Variants in SEMA3C observed in about 807,000 individuals in gnomAD.
The protein encoded by SEMA3C is semaphorin-3C.
SEMA3C carries 47 observed loss-of-function variants against 89.4 expected under a neutral mutation model. The observed-to-expected ratio is 0.53, with a 90% CI of 0.42 to 0.67. SEMA3C has a LOEUF of 0.67. Ranked by LOEUF, SEMA3C falls within the 30% of genes least tolerant of loss-of-function variation. The pLI is 0.00. For synonymous variants in SEMA3C, 310 were observed against 320.2 expected (o/e 0.97, Z 0.34); for missense variants, 839 against 929.1 (o/e 0.90, Z 1.26).
rs777730832 is a variant in SEMA3C at position 80,758,441 on chromosome 7, C to A, written c.1533G>T (p.Leu511=). 5.6e-6 allele frequency: 9 copies of A among 1,613,904 alleles called. No individual in the cohort carries two copies. In the African/African-American group the frequency reaches 9.3e-5, roughly 17 times the overall value. Reference sequence around the variant, plus strand: ...CTGTACCATAGATGTGGCAGCGGTGCAGAGATACCTGGGAAACCCCTTCAT... The same window carrying A: ...CTGTACCATAGATGTGGCAGCGGTGAAGAGATACCTGGGAAACCCCTTCAT... ...SSNEGVSQVS[L]HRCHIYGTAC... Residue 511 remains leucine, a synonymous_variant, in exon 15 of 18, where the codon CTG becomes CTT. Transcript: ENST00000265361.
intron 15 of SEMA3C, among the ~76,000 whole-genome samples, chr7:80,753,702 A>T (rs1288776400): frequency 6.6e-6 from 1 of 152,206 alleles, no homozygotes; most frequent in Non-Finnish European, 1.5e-5. Context: ...TTTCATCCAC[A>T]ACAGTAAATT....
chr7:80,834,978 G>A lies in SEMA3C; in HGVS notation c.104-6233C>T, dbSNP rs573120522. ...TCTGAATATTTCTCATCAGTGGTTG[G>A]CTGAATCCATGGATGTGATACCTAC... On this transcript the variant is annotated intron_variant, in intron 2 of 17. Transcript: ENST00000265361. Among the ~76,000 whole-genome samples, 5 of 151,990 alleles carry A rather than the reference G, an allele frequency of 3.3e-5. No individual in the cohort carries two copies. In the East Asian group the frequency reaches 9.6e-4, roughly 29 times the overall value.
At chr7:80,841,250 T>C (rs551596138) in intron 2 of SEMA3C, among the ~76,000 whole-genome samples, 14 of 152,320 alleles carry the variant, frequency 9.2e-5, no homozygotes, top group African/African-American at 3.1e-4. Context: ...GATTGCTTCA[T>C]GATACAATAT....
At chr7:80,919,377 T>G, upstream of SEMA3C, 17 of 985,322 alleles carry the variant, frequency 1.7e-5, no homozygotes, top group Non-Finnish European at 2.0e-5. Flanking sequence ...ACTTGCTGGG[T>G]GCGCTCCACG....
At chr7:80,793,708 A>T (rs1788996495) in intron 11 of SEMA3C, among the ~76,000 whole-genome samples, 1 of 151,990 alleles carries the variant, frequency 6.6e-6, no homozygotes, top group Admixed American at 6.6e-5. Context: ...AACAAAATTT[A>T]GAGTATTTAG....
chr7:80,834,154 C>T (rs910062616), intron 2 of SEMA3C, among the ~76,000 whole-genome samples: 1 of 151,982 alleles, frequency 6.6e-6, no homozygotes, highest in Non-Finnish European at 1.5e-5. Context: ...CCACAAAGGG[C>T]AGCATAGGTC....
chr7:80,761,692 A>G lies in SEMA3C; in HGVS notation c.1444-35T>C, dbSNP rs1176186795. 9 of 1,185,408 alleles carry G rather than the reference A, an allele frequency of 7.6e-6. No individual in the cohort carries two copies. In the East Asian group the frequency reaches 2.4e-4, roughly 31 times the overall value. 73.4% of individuals were successfully genotyped at this position (1,185,408 alleles called of 1,614,324 possible). A position where few individuals can be genotyped will look rare whatever the true frequency, so the allele number is the denominator to read the frequency against. On this transcript the variant is annotated intron_variant, in intron 13 of 17. Coordinates refer to ENST00000265361, the MANE Select transcript of SEMA3C (RefSeq NM_006379.5). Reference sequence around the variant, plus strand: ...TAGAAAACAACATGTTAGTTGCTCAAATATTGCTTAAAAGGATTTTACATT... The same window carrying G: ...TAGAAAACAACATGTTAGTTGCTCAGATATTGCTTAAAAGGATTTTACATT...
At chr7:80,827,681 A>G (rs1260005152) in intron 3 of SEMA3C, among the ~76,000 whole-genome samples, 194 bp from the exon 4 acceptor site, 1 of 152,030 alleles carries the variant, frequency 6.6e-6, no homozygotes, top group East Asian at 1.9e-4. Context: ...ATTTCTTCCA[A>G]CAGTGTTTCC....
At chr7:80,759,870 G>A (rs974288227) in intron 14 of SEMA3C, among the ~76,000 whole-genome samples, 13 of 152,046 alleles carry the variant, frequency 8.6e-5, no homozygotes, top group African/African-American at 2.7e-4. Context: ...AATGTTTATC[G>A]AGTAAATTAG....
intron 12 of SEMA3C, among the ~76,000 whole-genome samples, chr7:80,772,340 T>G (rs1384796348): frequency 1.3e-5 from 2 of 152,240 alleles, no homozygotes; most frequent in African/African-American, 2.4e-5. Flanking sequence ...ATTAGTTCAC[T>G]GAATCTACTT....
At chr7:80,918,668 G>A (rs1240615584) in intron 1 of SEMA3C, among the ~76,000 whole-genome samples, 160 bp downstream of exon 1, 1 of 152,168 alleles carries the variant, frequency 6.6e-6, no homozygotes, top group East Asian at 1.9e-4. Flanking sequence ...AACAACTCGA[G>A]CAGGGCTCTC....
At chr7:80,754,179 C>G (rs760008064) in intron 15 of SEMA3C, among the ~76,000 whole-genome samples, 48 of 152,134 alleles carry the variant, frequency 3.2e-4, no homozygotes, top group Non-Finnish European at 3.7e-4. Flanking sequence ...TCAGGCAATC[C>G]GCCTGCCTCG....
chr7:80,881,890 G>A (rs1239887252), intron 2 of SEMA3C, among the ~76,000 whole-genome samples: 1 of 152,072 alleles, frequency 6.6e-6, no homozygotes, highest in Non-Finnish European at 1.5e-5. Context: ...GTTTATCCAC[G>A]TATGGATACA....
rs146082901 is a variant in SEMA3C, at chr7:80,794,911, G to A, written c.1131+3181C>T. Among the ~76,000 whole-genome samples the A allele has an allele frequency of 5.0e-3, 757 of 152,214 alleles. 8 individuals are homozygous for A. The highest frequency in any genetic ancestry group is 0.017 in the African/African-American group (708 of 41,520). ...TTCCTACTGACTTGGGCTTGCTGGTGGGGTCGTTTGCTAACAGAGCTACCA... is the reference window on the plus strand; with the variant it reads ...TTCCTACTGACTTGGGCTTGCTGGTAGGGTCGTTTGCTAACAGAGCTACCA... On this transcript the variant is annotated intron_variant, in intron 11 of 17. Transcript: ENST00000265361.
At chr7:80,862,237 C>T (rs1160285507) in intron 2 of SEMA3C, among the ~76,000 whole-genome samples, 2 of 152,066 alleles carry the variant, frequency 1.3e-5, no homozygotes, top group Non-Finnish European at 2.9e-5. Flanking sequence ...AAGAATTCAG[C>T]AAAGTTTCCA....
upstream of SEMA3C, chr7:80,922,140 A>T: frequency 1.6e-6 from 1 of 618,124 alleles, no homozygotes; most frequent in Non-Finnish European, 2.4e-6. Context: ...ACAATTTTCA[A>T]TGAGAGAACG....
intron 2 of SEMA3C, among the ~76,000 whole-genome samples, chr7:80,841,136 T>C (rs1444698042): frequency 6.6e-6 from 1 of 152,044 alleles, no homozygotes; most frequent in Non-Finnish European, 1.5e-5. Flanking sequence ...TTTTCCCAAG[T>C]CACTTCAGAT....
At chr7:80,815,856 G>A (rs1376418534) in intron 5 of SEMA3C, 2 of 152,066 alleles carry the variant, frequency 1.3e-5, no homozygotes, top group East Asian at 3.9e-4. Flanking sequence ...TGGTATCTGG[G>A]TGTTGAAACA....
Position 80,751,346 on chromosome 7 carries a change from C to G in SEMA3C, c.1644-10G>C. 1 of 1,612,298 alleles carries G rather than the reference C, an allele frequency of 6.2e-7. No homozygotes were observed. The highest frequency in any genetic ancestry group is 1.7e-4 in the Middle Eastern group (1 of 6,054). ...TTGTCTTCGGCTCCTCCTGCAAGTG[C>G]AGAAATACATAAAAGTGACTGAGAA... On this transcript the variant is annotated splice_polypyrimidine_tract_variant and intron_variant, in intron 15 of 17. Transcript: ENST00000265361.
Sources: allele counts gnomAD v4.1 joint callset (sites outside exome capture counted in the v4.1 genomes callset), GRCh38; gene constraint gnomAD v4.1.1; transcripts MANE v1.5; gene names NCBI Gene and HGNC (gene_info 2026-07-23, HGNC 2026-07-21).